MSRA: variants seen among roughly 807,000 people sequenced by gnomAD.
MSRA encodes the protein methionine sulfoxide reductase A, also known as mitochondrial peptide methionine sulfoxide reductase.
Under a neutral mutation model 31.3 loss-of-function variants are expected in MSRA, and 54 were observed. The observed-to-expected ratio is 1.73, with a 90% CI of 1.39 to 2.17. The LOEUF is 2.17. Among genes scored for constraint, MSRA ranks in the 30% most tolerant of loss-of-function variants. The pLI is 0.00. For missense variants in MSRA, 507 were observed against 300.9 expected, an observed-to-expected ratio of 1.69 and a Z score of -5.07; for synonymous variants, 169 against 116.5, an observed-to-expected ratio of 1.45 and a Z score of -2.90.
chr8:10,119,529 G>A (rs147633955), intron 1 of MSRA, among the ~76,000 whole-genome samples: 2,332 of 152,304 alleles, frequency 0.015, 24 homozygotes, highest in Non-Finnish European at 0.022. Context: ...ATTTCTGTGT[G>A]TATTTGGTTC....
Position 10,428,203 on chromosome 8 carries a change from C to G in MSRA, c.599C>G (p.Thr200Ser), listed in dbSNP as rs765230071. Residue 200 changes from threonine to serine, a missense_variant, in exon 6 of 6, where the codon ACT (threonine) becomes AGT (serine). Physicochemically the swap from Thr to Ser is moderately conservative, Grantham distance 58. Transcript: ENST00000317173. ...ACTACCGACATCCGGGAGGGACAGA[C>G]TTTCTACTATGCGGAAGACTACCAC... ...PITTDIREGQ[T>S]FYYAEDYHQQ... 6.2e-7 allele frequency: 1 copy of G among 1,614,098 alleles called. No homozygotes were observed. Among genetic ancestry groups the G allele is most frequent in the African/African-American group, 1.3e-5 (1 of 74,936 alleles).
chr8:10,197,097 G>A (rs1808062063), intron 1 of MSRA, among the ~76,000 whole-genome samples: 1 of 152,098 alleles, frequency 6.6e-6, no homozygotes, highest in Non-Finnish European at 1.5e-5. Context: ...CTGAAATACA[G>A]ATTTTAATCC....
intron 2 of MSRA, among the ~76,000 whole-genome samples, chr8:10,241,532 C>T (rs1812411508): frequency 6.6e-6 from 1 of 152,106 alleles, no homozygotes; most frequent in Non-Finnish European, 1.5e-5. Context: ...ATTTATCTTC[C>T]CTGTCCCATG....
intron 3 of MSRA, among the ~76,000 whole-genome samples, chr8:10,291,418 GAA>G (rs11284328): frequency 3.3e-5 from 5 of 150,756 alleles, no homozygotes; most frequent in Admixed American, 6.6e-5. Context: ...TGAGACAAAA[GAA>G]AAAAAAAAGC....
At chr8:10,403,063 C>G (rs1255512977) in intron 5 of MSRA, among the ~76,000 whole-genome samples, 1 of 152,194 alleles carries the variant, frequency 6.6e-6, no homozygotes, top group Non-Finnish European at 1.5e-5. Flanking sequence ...CCTGTCTTGG[C>G]TCTGGTTTTA....
intron 1 of MSRA, among the ~76,000 whole-genome samples, chr8:10,185,776 C>T (rs1014568394): frequency 6.6e-6 from 1 of 152,166 alleles, no homozygotes; most frequent in Non-Finnish European, 1.5e-5. Context: ...GTCCTGTGTT[C>T]CTACGGAAAC....
At chr8:10,408,229 C>T (rs1164422473) in intron 5 of MSRA, among the ~76,000 whole-genome samples, 2 of 152,124 alleles carry the variant, frequency 1.3e-5, no homozygotes, top group Admixed American at 1.3e-4. Context: ...TTTACATCTG[C>T]ATAGTGACAT....
At chr8:10,348,288 T>G (rs1803910525) in intron 5 of MSRA, among the ~76,000 whole-genome samples, 1 of 152,092 alleles carries the variant, frequency 6.6e-6, no homozygotes, top group Non-Finnish European at 1.5e-5. Flanking sequence ...GGAGATTTTT[T>G]TTTCTTGAGG....
At chr8:10,323,053 A>C (rs1410899423) in intron 5 of MSRA, among the ~76,000 whole-genome samples, 2 of 150,780 alleles carry the variant, frequency 1.3e-5, no homozygotes, top group Non-Finnish European at 2.9e-5. Flanking sequence ...TTGCATTACT[A>C]AACTCCAGCC....
At chr8:10,419,771 G>A (rs1808700941) in intron 5 of MSRA, among the ~76,000 whole-genome samples, 1 of 152,208 alleles carries the variant, frequency 6.6e-6, no homozygotes, top group Admixed American at 6.5e-5. Flanking sequence ...GGCAAGTCTA[G>A]CTCTCTTGCC....
chr8:10,423,334 G>T (rs1449191143), intron 5 of MSRA, among the ~76,000 whole-genome samples: 1 of 152,202 alleles, frequency 6.6e-6, no homozygotes, highest in Non-Finnish European at 1.5e-5. Context: ...CACAAGCATT[G>T]GTGTGTCAGC....
intron 5 of MSRA, among the ~76,000 whole-genome samples, chr8:10,369,425 A>T (rs1354073482): frequency 6.6e-6 from 1 of 152,240 alleles, no homozygotes; most frequent in Admixed American, 6.5e-5. Flanking sequence ...CTGAAATTTC[A>T]AAAGGAAATA....
intron 2 of MSRA, among the ~76,000 whole-genome samples, chr8:10,226,322 G>A (rs1449336355): frequency 1.3e-5 from 2 of 152,046 alleles, no homozygotes; most frequent in African/African-American, 2.4e-5. Flanking sequence ...AGTGATCCAG[G>A]CTGATCTGCT....
intron 5 of MSRA, among the ~76,000 whole-genome samples, chr8:10,394,911 C>T (rs1414468488): frequency 6.6e-6 from 1 of 152,206 alleles, no homozygotes; most frequent in Non-Finnish European, 1.5e-5. Context: ...AGTTATATTT[C>T]CATTCAGTTC....
At chr8:10,280,834 T>TG (rs1212636679) in intron 3 of MSRA, among the ~76,000 whole-genome samples, 1 of 152,230 alleles carries the variant, frequency 6.6e-6, no homozygotes, top group Non-Finnish European at 1.5e-5. Context: ...TACAACAGCG[T>TG]GAACTACTAA....
chr8:10,113,650 T>C lies in MSRA; in HGVS notation c.142+58992T>C, dbSNP rs575016852. On this transcript the variant is annotated intron_variant, in intron 1 of 5. Transcript: ENST00000317173. ...ATGAGACAGAGCAGACTGAGAAATG[T>C]GGGAGGCTGGTTGGGTACCCAGTTA... Among the ~76,000 whole-genome samples the C allele has an allele frequency of 2.0e-5, 3 of 151,914 alleles. No individual in the cohort carries two copies. In the East Asian group the frequency reaches 5.8e-4, roughly 29 times the overall value.
At chr8:10,196,290 A>G (rs930430311) in intron 1 of MSRA, among the ~76,000 whole-genome samples, 1 of 151,530 alleles carries the variant, frequency 6.6e-6, no homozygotes, top group African/African-American at 2.4e-5. Flanking sequence ...GAAACATTTA[A>G]TGATGTTTTG....
intron 5 of MSRA, among the ~76,000 whole-genome samples, chr8:10,388,499 A>G (rs1178620151): frequency 6.6e-6 from 1 of 152,198 alleles, no homozygotes; most frequent in African/African-American, 2.4e-5. Context: ...AAAGAGGCAT[A>G]TTTCAGAGTG....
chr8:10,398,151 G>A (rs1419020491), intron 5 of MSRA, among the ~76,000 whole-genome samples: 1 of 152,172 alleles, frequency 6.6e-6, no homozygotes, highest in East Asian at 1.9e-4. Flanking sequence ...AACTCCCAAG[G>A]ACTCTCTAGT....
Sources: gnomAD v4.1 joint callset for allele counts (sites outside exome capture counted in the v4.1 genomes callset) on GRCh38, gnomAD v4.1.1 for gene constraint, MANE v1.5 for transcripts, NCBI Gene and HGNC (gene_info 2026-07-23, HGNC 2026-07-21) for gene names.